Variants in NR6A1 observed in about 807,000 individuals in gnomAD.
The protein encoded by NR6A1 is nuclear receptor subfamily 6 group A member 1.
NR6A1 carries 7 observed loss-of-function variants against 59.1 expected under a neutral mutation model. The ratio of observed to expected loss-of-function variants is 0.12; its 90% CI spans 0.07 to 0.22. The LOEUF (loss-of-function observed/expected upper bound fraction) is 0.22, where lower values mean the gene tolerates loss of function less well. Among genes scored for constraint, NR6A1 ranks in the 10% least tolerant of loss-of-function variants. NR6A1 has a pLI of 1.00. For missense variants in NR6A1, 468 were observed against 611.6 expected (o/e 0.77, Z 2.48); for synonymous variants, 243 against 236.1 (o/e 1.03, Z -0.27).
chr9:124,684,431 T>C (rs1459114176), intron 2 of NR6A1, among the ~76,000 whole-genome samples: 1 of 152,214 alleles, frequency 6.6e-6, no homozygotes, highest in Non-Finnish European at 1.5e-5. Context: ...GGTGCCACTC[T>C]TGCCTGTCAA....
intron 2 of NR6A1, among the ~76,000 whole-genome samples, chr9:124,729,941 T>C (rs538493687): frequency 1.3e-5 from 2 of 151,650 alleles, no homozygotes; most frequent in African/African-American, 2.4e-5. Flanking sequence ...GCCTCCCGAG[T>C]AGCTGGGATT....
Position 124,702,681 on chromosome 9 carries a change from T to A in NR6A1, c.142+30627A>T, listed in dbSNP as rs958015783. Among the ~76,000 whole-genome samples the A allele has an allele frequency of 4.5e-4, 68 of 152,156 alleles. 1 individual carries two copies. The highest frequency in any genetic ancestry group is 1.6e-3 in the African/African-American group (67 of 41,522). ...GTTTACAGAGCCTGGCACCTCCTCC[T>A]CTCTTGCTCTTTCTCTTGCCATGTG... On this transcript the variant is annotated intron_variant, in intron 2 of 9. Coordinates refer to ENST00000487099, the MANE Select transcript of NR6A1 (RefSeq NM_033334.4).
In NR6A1 at chr9:124,674,381, C is replaced by T. The variant is rs532479833; in HGVS notation, c.142+58927G>A. Among the ~76,000 whole-genome samples the T allele has an allele frequency of 2.0e-5, 3 of 152,280 alleles. No homozygotes were observed. In the East Asian group the frequency reaches 5.8e-4, roughly 29 times the overall value. Reference sequence around the variant, plus strand: ...AATTAACGCTATGAAGCTGGATTTCCTGAGTTCAAATCCTGGCTCTGCCAC... The same window carrying T: ...AATTAACGCTATGAAGCTGGATTTCTTGAGTTCAAATCCTGGCTCTGCCAC... On this transcript the variant is annotated intron_variant, in intron 2 of 9. Transcript: ENST00000487099.
At chr9:124,724,509 G>C (rs747409804) in intron 2 of NR6A1, among the ~76,000 whole-genome samples, 16 of 145,412 alleles carry the variant, frequency 1.1e-4, no homozygotes, top group Non-Finnish European at 1.7e-4. Context: ...TATATCCTTT[G>C]AACATCAGAC....
chr9:124,560,222 A>AT (rs1293130188), intron 2 of NR6A1, among the ~76,000 whole-genome samples: 2 of 152,186 alleles, frequency 1.3e-5, no homozygotes, highest in Non-Finnish European at 2.9e-5. Flanking sequence ...TTTGCCACAC[A>AT]TACCATTAAC....
chr9:124,594,138 T>C, intron 2 of NR6A1, among the ~76,000 whole-genome samples: 1 of 116,584 alleles, frequency 8.6e-6, no homozygotes, highest in African/African-American at 2.9e-5. Flanking sequence ...TGATTTTGCC[T>C]CTTAAGATTC....
chr9:124,712,057 T>C (rs989644126), intron 2 of NR6A1, among the ~76,000 whole-genome samples: 4 of 152,208 alleles, frequency 2.6e-5, no homozygotes, highest in African/African-American at 9.7e-5. Flanking sequence ...CTGAGTGCTC[T>C]TCCCTCTTTG....
chr9:124,718,266 C>T (rs562215882), intron 2 of NR6A1, among the ~76,000 whole-genome samples: 25 of 152,276 alleles, frequency 1.6e-4, no homozygotes, highest in African/African-American at 5.8e-4. Context: ...TAAGAAGCTC[C>T]CTCCATTATC....
chr9:124,770,514 C>T lies in NR6A1; in HGVS notation c.100+506G>A, dbSNP rs1367834554. Among the ~76,000 whole-genome samples the T allele has an allele frequency of 2.0e-5, 3 of 151,208 alleles. No individual in the cohort carries two copies. In the South Asian group the frequency reaches 6.4e-4, roughly 32 times the overall value. ...GTCAACAGGGCAAGAAGGGAGCGTCCTCGGTGGGAGGAGGAACCCCTGTAG... is the reference window on the plus strand; with the variant it reads ...GTCAACAGGGCAAGAAGGGAGCGTCTTCGGTGGGAGGAGGAACCCCTGTAG... On this transcript the variant is annotated intron_variant, in intron 1 of 9. Transcript: ENST00000487099.
chr9:124,727,825 T>C (rs1010764748), intron 2 of NR6A1, among the ~76,000 whole-genome samples: 7 of 150,508 alleles, frequency 4.7e-5, no homozygotes, highest in African/African-American at 1.7e-4. Context: ...ACTGAGATTA[T>C]AGGCATGTGC....
chr9:124,595,607 GA>G lies in NR6A1; in HGVS notation c.143-41038del, dbSNP rs1365853924. 9.9e-6 allele frequency: 4 copies of G among 403,644 alleles called. No homozygotes were observed. In the East Asian group the frequency reaches 2.9e-4, roughly 29 times the overall value. 25.0% of individuals were successfully genotyped at this position (403,644 alleles called of 1,614,324 possible). On this transcript the variant is annotated intron_variant, in intron 2 of 9. Transcript: ENST00000487099. ...ATTTACAGCCACTTGCTACATACAT[GA>G]AAACTTTCTAGCTGAACTCTGCGAA...
intron 2 of NR6A1, among the ~76,000 whole-genome samples, chr9:124,670,018 A>C (rs1426771835): frequency 6.6e-6 from 1 of 152,184 alleles, no homozygotes; most frequent in Non-Finnish European, 1.5e-5. Context: ...CAAGTAGAAT[A>C]AAGACTTTAA....
At chr9:124,637,881 G>C (rs1288138234) in intron 2 of NR6A1, among the ~76,000 whole-genome samples, 1 of 115,978 alleles carries the variant, frequency 8.6e-6, no homozygotes, top group African/African-American at 3.2e-5. Context: ...GACAGAGTGA[G>C]ACTCCCTCTC....
chr9:124,599,389 A>G, intron 2 of NR6A1: 1 of 371,406 alleles, frequency 2.7e-6, no homozygotes, highest in Non-Finnish European at 5.1e-6. Context: ...ATTGCACTCC[A>G]GCCTGGGCGA....
intron 2 of NR6A1, among the ~76,000 whole-genome samples, chr9:124,573,821 CAT>C (rs776736921): frequency 1.3e-5 from 2 of 152,128 alleles, no homozygotes; most frequent in Non-Finnish European, 2.9e-5. Flanking sequence ...AAAGCCGTAA[CAT>C]ATATACATAT....
At position 124,575,399 on chromosome 9, in the gene NR6A1, CCCTGCCTCTACTAAAAGACAAA is replaced by C. The variant is rs1370862401; in HGVS notation, c.143-20851_143-20830del. Among the ~76,000 whole-genome samples, 7 of 152,188 alleles carry C rather than the reference CCCTGCCTCTACTAAAAGACAAA, an allele frequency of 4.6e-5. No homozygotes were observed. In the East Asian group the frequency reaches 1.2e-3, roughly 25 times the overall value. ...GACCAGCCTGGGCAACATGGTGAAACCCTGCCTCTACTAAAAGACAAACAATTAGCTGGACATGGTGGCACGC... is the reference window on the plus strand; with the variant it reads ...GACCAGCCTGGGCAACATGGTGAAACCAATTAGCTGGACATGGTGGCACGC... On this transcript the variant is annotated intron_variant, in intron 2 of 9. Transcript: ENST00000487099.
intron 1 of NR6A1, among the ~76,000 whole-genome samples, chr9:124,752,678 T>C (rs925332019): frequency 6.6e-6 from 1 of 152,200 alleles, no homozygotes. Context: ...AAATCATTTA[T>C]GTAGGGGTAC....
chr9:124,701,917 G>T (rs1052186525), intron 2 of NR6A1, among the ~76,000 whole-genome samples: 10 of 151,998 alleles, frequency 6.6e-5, no homozygotes, highest in Admixed American at 2.6e-4. Flanking sequence ...TAGAGATGGG[G>T]TTTCACTATG....
intron 2 of NR6A1, among the ~76,000 whole-genome samples, chr9:124,565,837 T>C: frequency 6.6e-6 from 1 of 152,230 alleles, no homozygotes; most frequent in African/African-American, 2.4e-5. Flanking sequence ...GATGGCAATG[T>C]AGAAAAACTA....
Sources: allele counts gnomAD v4.1 joint callset (sites outside exome capture counted in the v4.1 genomes callset), GRCh38; gene constraint gnomAD v4.1.1; transcripts MANE v1.5; gene names NCBI Gene and HGNC (gene_info 2026-07-23, HGNC 2026-07-21).